IFIH1: variants seen among roughly 807,000 people sequenced by gnomAD.
The protein encoded by IFIH1 is interferon-induced helicase C domain-containing protein 1.
Under a neutral mutation model 107.4 loss-of-function variants are expected in IFIH1, and 125 were observed. The observed-to-expected ratio is 1.16, with a 90% CI of 1.01 to 1.35. The LOEUF is 1.35. Ranked by LOEUF, IFIH1 falls within the 40% of genes most tolerant of loss-of-function variation. The pLI, the probability that IFIH1 is intolerant of heterozygous loss-of-function variation, is 0.00. For synonymous variants in IFIH1, 458 were observed against 413.2 expected, an observed-to-expected ratio of 1.11 and a Z score of -1.31; for missense variants, 1,333 against 1,213.7, an observed-to-expected ratio of 1.10 and a Z score of -1.46.
At chr2:162,279,365 C>G (rs1374144345) in intron 8 of IFIH1, among the ~76,000 whole-genome samples, 1 of 151,966 alleles carries the variant, frequency 6.6e-6, no homozygotes, top group Non-Finnish European at 1.5e-5. Context: ...ATGGTATTAT[C>G]AAGTACATAT....
At chr2:162,312,192 G>A (rs1683395071) in intron 1 of IFIH1, among the ~76,000 whole-genome samples, 1 of 152,128 alleles carries the variant, frequency 6.6e-6, no homozygotes, top group Non-Finnish European at 1.5e-5. Context: ...TTGGAACAAT[G>A]TCTGGCACTA....
chr2:162,268,061 G>A, intron 14 of IFIH1, 26 bp downstream of exon 14: 1 of 1,532,368 alleles, frequency 6.5e-7, no homozygotes, highest in Non-Finnish European at 8.8e-7. Flanking sequence ...GTGGAAAAAT[G>A]TAAAAATGGG....
chr2:162,278,439 G>T, intron 8 of IFIH1, 111 bp from the exon 9 acceptor site: 1 of 623,752 alleles, frequency 1.6e-6, no homozygotes, highest in Non-Finnish European at 2.6e-6. Flanking sequence ...TCTTTGTTTA[G>T]ACAAAGTAAC....
At chr2:162,299,221 G>T (rs902213385) in intron 3 of IFIH1, among the ~76,000 whole-genome samples, 2 of 152,158 alleles carry the variant, frequency 1.3e-5, no homozygotes, top group African/African-American at 2.4e-5. Context: ...GAGGCAAAAA[G>T]TCCTAGAGTA....
chr2:162,294,078 G>A (rs1683044781), intron 3 of IFIH1, among the ~76,000 whole-genome samples: 1 of 151,796 alleles, frequency 6.6e-6, no homozygotes, highest in Non-Finnish European at 1.5e-5. Context: ...AATTAATAAA[G>A]TACAAAAATT....
chr2:162,294,255 A>G (rs901679036), intron 3 of IFIH1, among the ~76,000 whole-genome samples: 3 of 151,958 alleles, frequency 2.0e-5, no homozygotes, highest in South Asian at 4.1e-4. Flanking sequence ...TTTCTTTACT[A>G]TAATTAGATT....
At chr2:162,303,940 G>A (rs75275335) in intron 3 of IFIH1, among the ~76,000 whole-genome samples, 1,719 of 152,110 alleles carry the variant, frequency 0.011, 9 homozygotes, top group Non-Finnish European at 0.018. Flanking sequence ...TACAGAAAAT[G>A]GCCAGTAACT....
intron 13 of IFIH1, among the ~76,000 whole-genome samples, 156 bp downstream of exon 13, chr2:162,272,070 T>C (rs542573332): frequency 1.3e-5 from 2 of 152,286 alleles, no homozygotes; most frequent in South Asian, 4.1e-4. Flanking sequence ...TGGATCTTGA[T>C]TCTCTGCATG....
Position 162,317,939 on chromosome 2 carries a change from G to A in IFIH1, c.369C>T (p.Pro123=), listed in dbSNP as rs2105237912. ...TAACTAGAAGCTTGTCCACCAGAGT[G>A]GGCTGAAGGAGGTTCAGCAGTTGGA... ...EYLQLLNLLQ[P]TLVDKLLVRD... is the part of the protein sequence containing the mutation. The change falls in exon 1 of 16, where the codon CCC becomes CCT. Residue 123 remains proline, a synonymous_variant. Coordinates refer to ENST00000649979, the MANE Select transcript of IFIH1 (RefSeq NM_022168.4). 1 of 1,614,090 alleles carries A rather than the reference G, an allele frequency of 6.2e-7. No individual in the cohort carries two copies. Among genetic ancestry groups the A allele is most frequent in the Non-Finnish European group, 8.5e-7 (1 of 1,179,994 alleles).
Position 162,291,787 on chromosome 2 carries a change from G to A in IFIH1, c.874+1777C>T, listed in dbSNP as rs186252852. Among the ~76,000 whole-genome samples the A allele has an allele frequency of 5.3e-3, 804 of 151,882 alleles. 8 individuals are homozygous for A. Among genetic ancestry groups the A allele is most frequent in the African/African-American group, 0.018 (759 of 41,492 alleles). ...TTTATCTAAACCTCCTTTTGAATTGGTTTCTATTTTAGCTTATACCAGGCA... is the reference window on the plus strand; with the variant it reads ...TTTATCTAAACCTCCTTTTGAATTGATTTCTATTTTAGCTTATACCAGGCA... On this transcript the variant is annotated intron_variant, in intron 4 of 15. Transcript: ENST00000649979.
At chr2:162,310,072 G>T (rs1216913064) in intron 2 of IFIH1, 2 of 152,234 alleles carry the variant, frequency 1.3e-5, no homozygotes, top group African/African-American at 2.4e-5. Context: ...ACGTTTAGGT[G>T]TTTGTTACAG....
In IFIH1 at chr2:162,288,352, T is replaced by C. The variant is rs1208849647; in HGVS notation, c.878A>G (p.Glu293Gly). The C allele has an allele frequency of 6.2e-7, 1 of 1,610,874 alleles. No individual in the cohort carries two copies. Among genetic ancestry groups the C allele is most frequent in the Admixed American group, 1.7e-5 (1 of 59,772 alleles). The change falls in exon 5 of 16, where the codon GAA (glutamate) becomes GGA (glycine). Residue 293 changes from glutamate to glycine, a missense_variant. Glu to Gly is a moderately conservative substitution (Grantham distance 98). Transcript: ENST00000649979. ...DSGTMGSDSD[E>G]ENVAARASPE... Reference sequence around the variant, plus strand: ...GGATGCTCTTGCTGCCACATTCTCTTCATCTGAAGAAGGTTGAAAAGAAAA... The same window carrying C: ...GGATGCTCTTGCTGCCACATTCTCTCCATCTGAAGAAGGTTGAAAAGAAAA...
intron 1 of IFIH1, among the ~76,000 whole-genome samples, chr2:162,317,555 G>A (rs1023106287): frequency 6.6e-6 from 1 of 152,204 alleles, no homozygotes; most frequent in Non-Finnish European, 1.5e-5. Flanking sequence ...ATGAACTGTA[G>A]TAATACATTT....
At position 162,272,321 on chromosome 2, in the gene IFIH1, T is replaced by A. The variant is rs1407669353; in HGVS notation, c.2521A>T (p.Ile841Phe). The A allele has an allele frequency of 6.2e-7, 1 of 1,613,362 alleles. No homozygotes were observed. Among genetic ancestry groups the A allele is most frequent in the African/African-American group, 1.3e-5 (1 of 75,002 alleles). The change falls in exon 13 of 16, where the codon ATC (isoleucine) becomes TTC (phenylalanine). Residue 841 changes from isoleucine (I) to phenylalanine (F), a missense_variant. Ile to Phe is a conservative substitution (Grantham distance 21). Transcript: ENST00000649979. ...VLVAHSGSGV[I>F]EHETVNDFRE... ...AAATCATTAACTGTCTCATGTTCGA[T>A]AACTCCTGAACCACTGTGAGCAACC...
intron 13 of IFIH1, 123 bp downstream of exon 13, chr2:162,272,103 C>A (rs1219009148): frequency 1.2e-5 from 9 of 762,672 alleles, no homozygotes; most frequent in Non-Finnish European, 2.0e-5. Context: ...AAGCACAGTT[C>A]ACTAAACAGA....
intron 12 of IFIH1, among the ~76,000 whole-genome samples, chr2:162,272,734 G>T (rs1330565841): frequency 1.3e-5 from 2 of 152,122 alleles, no homozygotes; most frequent in South Asian, 4.1e-4. Flanking sequence ...GTCTTTCTTG[G>T]TAGGAAGCTG....
At chr2:162,317,738 GGAA>G (rs1196849832) in intron 1 of IFIH1, 114 bp downstream of exon 1, 1 of 782,674 alleles carries the variant, frequency 1.3e-6, no homozygotes, top group Non-Finnish European at 2.1e-6. Flanking sequence ...TCTTCTCAAA[GGAA>G]GAAACTAGAT....
intron 1 of IFIH1, among the ~76,000 whole-genome samples, chr2:162,311,697 G>C (rs985112400): frequency 1.3e-5 from 2 of 152,024 alleles, no homozygotes; most frequent in Non-Finnish European, 2.9e-5. Flanking sequence ...TCCTAATATA[G>C]CAATAAGGAT....
At position 162,318,125 on chromosome 2, in the gene IFIH1, C is replaced by T; in HGVS notation, c.183G>A (p.Leu61=). Residue 61 remains leucine (L), a synonymous_variant, in exon 1 of 16, where the codon CTG becomes CTA. Transcript: ENST00000649979. ...CTCCCTTCTCCAAGGTGCTCAGCAGCAGTTCAACTGCCTGCATGTTCCCGG... is the reference window on the plus strand; with the variant it reads ...CTCCCTTCTCCAAGGTGCTCAGCAGTAGTTCAACTGCCTGCATGTTCCCGG... ...ATSGNMQAVE[L]LLSTLEKGVW... 1 of 1,614,186 alleles carries T rather than the reference C, an allele frequency of 6.2e-7. No individual in the cohort carries two copies. The highest frequency in any genetic ancestry group is 8.5e-7 in the Non-Finnish European group (1 of 1,180,024).
Sources: allele counts gnomAD v4.1 joint callset (sites outside exome capture counted in the v4.1 genomes callset), GRCh38; gene constraint gnomAD v4.1.1; transcripts MANE v1.5; gene names NCBI Gene and HGNC (gene_info 2026-07-23, HGNC 2026-07-21).